The following RPTOR variants were observed in gnomAD, a reference collection of about 807,000 sequenced individuals.
RPTOR encodes the protein regulatory-associated protein of mTOR.
In RPTOR, 21 loss-of-function variants were observed where a neutral mutation model predicts 169.9. That is an observed-to-expected ratio of 0.12 (90% CI 0.09 to 0.18). RPTOR has a LOEUF of 0.18. Among genes scored for constraint, RPTOR ranks in the 10% least tolerant of loss-of-function variants. RPTOR has a pLI of 1.00. For synonymous variants in RPTOR, 732 were observed against 753.2 expected (o/e 0.97, Z 0.46); for missense variants, 1,133 against 1,855.9 (o/e 0.61, Z 7.16).
Position 80,860,241 on chromosome 17 carries a change from C to CTGTCCTGG in RPTOR, c.1509+2344_1509+2345insCCTGGTGT, listed in dbSNP as rs2067902839. Among the ~76,000 whole-genome samples, 2 of 152,368 alleles carry CTGTCCTGG rather than the reference C, an allele frequency of 1.3e-5. No homozygotes were observed. Among genetic ancestry groups the CTGTCCTGG allele is most frequent in the African/African-American group, 2.4e-5 (1 of 41,596 alleles). ...ATGTCGCACTGGCCACCAGGACCTG[C>CTGTCCTGG]TGTGCTCGCTGAAGCTGCCCTGTTG... is the stretch of plus-strand genomic sequence containing the variant. On this transcript the variant is annotated intron_variant, in intron 13 of 33. Transcript: ENST00000306801. The surrounding 1 kb of genome is among the most constrained non-coding windows in gnomAD (Gnocchi z 5.8).
rs1368763027 is a variant in RPTOR at position 80,746,975 on chromosome 17, CG to C, written c.655-7032del. ...GGTCAGGCCTGTAACCCCAGAACTT[CG>C]GGAGGCCGAGGCAGGCAGCTCACTT... On this transcript the variant is annotated intron_variant, in intron 5 of 33. Coordinates refer to ENST00000306801, the MANE Select transcript of RPTOR (RefSeq NM_020761.3). This position sits in a 1 kb window ranked among gnomAD's most constrained non-coding sequence, Gnocchi z 4.5. Among the ~76,000 whole-genome samples, 3 of 151,926 alleles carry C rather than the reference CG, an allele frequency of 2.0e-5. No homozygotes were observed. The highest frequency in any genetic ancestry group is 4.4e-5 in the Non-Finnish European group (3 of 67,988).
rs200161901 is a variant in RPTOR at position 80,925,451 on chromosome 17, G to A, written c.2890G>A (p.Ala964Thr). Residue 964 changes from alanine (A) to threonine (T), a missense_variant, in exon 24 of 34, where the codon GCC becomes ACC. Physicochemically the swap from Ala to Thr is moderately conservative, Grantham distance 58. Coordinates refer to ENST00000306801, the MANE Select transcript of RPTOR (RefSeq NM_020761.3). ...TVQTGFCDWS[A>T]RYFAQPVMKI... ...GCAGACGGGGTTCTGCGACTGGAGC[G>A]CCCGCTATTTTGCCCAGCCCGTCAT... 15 of 1,613,364 alleles carry A rather than the reference G, an allele frequency of 9.3e-6. No individual in the cohort carries two copies. Among genetic ancestry groups the A allele is most frequent in the African/African-American group, 2.7e-5 (2 of 74,914 alleles).
intron 3 of RPTOR, among the ~76,000 whole-genome samples, chr17:80,658,882 T>C (rs964149142): frequency 9.2e-5 from 14 of 152,240 alleles, no homozygotes; most frequent in African/African-American, 3.4e-4. Context: ...AATTTTCACC[T>C]TGTTATCTCT....
Position 80,730,428 on chromosome 17 carries a change from G to T in RPTOR, c.508-132G>T, listed in dbSNP as rs1598262908. 1.0e-6 allele frequency: 1 copy of T among 971,596 alleles called. No homozygotes were observed. Among genetic ancestry groups the T allele is most frequent in the Non-Finnish European group, 1.5e-6 (1 of 650,608 alleles). The allele number at this position is 971,596 out of a possible 1,614,324, so 60.2% of individuals were successfully genotyped here. A position where few individuals can be genotyped will look rare whatever the true frequency, so the allele number is the denominator to read the frequency against. On this transcript the variant is annotated intron_variant, in intron 4 of 33. Coordinates refer to ENST00000306801, the MANE Select transcript of RPTOR (RefSeq NM_020761.3). This position sits in a 1 kb window ranked among gnomAD's most constrained non-coding sequence, Gnocchi z 4.2. ...CCAGTTTGCTGTTTTTTATAGTTTT[G>T]TATAAAGGCTAACTCAGCGTCTCTC...
At chr17:80,958,538 G>C (rs2069288976) in intron 29 of RPTOR, among the ~76,000 whole-genome samples, 1 of 149,618 alleles carries the variant, frequency 6.7e-6, no homozygotes, top group African/African-American at 2.5e-5. Context: ...AGCCTCCCGA[G>C]TAGCTGGGAC....
At chr17:80,740,231 T>C (rs12947053) in intron 5 of RPTOR, among the ~76,000 whole-genome samples, 11,223 of 152,278 alleles carry the variant, frequency 0.074, 526 homozygotes, top group Non-Finnish European at 0.12. Context: ...CAATAGATAA[T>C]CTGAATAGTC....
Position 80,925,396 on chromosome 17 carries a change from T to C in RPTOR, c.2835T>C (p.Ala945=), listed in dbSNP as rs1220210553. The change falls in exon 24 of 34, where the codon GCT becomes GCC. Residue 945 remains alanine (A), a synonymous_variant. Transcript: ENST00000306801. ...EQTADDADDA[A]GHKSFISATV... ...CTGCGGACGACGCGGACGATGCTGC[T>C]GGACACAAAAGTTTCATCTCCGCCA... is the stretch of plus-strand genomic sequence containing the variant. 1 of 1,613,800 alleles carries C rather than the reference T, an allele frequency of 6.2e-7. No homozygotes were observed. The highest frequency in any genetic ancestry group is 8.5e-7 in the Non-Finnish European group (1 of 1,180,042).
intron 1 of RPTOR, among the ~76,000 whole-genome samples, chr17:80,596,517 A>G (rs528308869): frequency 6.6e-6 from 1 of 152,198 alleles, no homozygotes; most frequent in African/African-American, 2.4e-5. Context: ...GGCTAATTAT[A>G]GGATCATATG....
At chr17:80,550,270 A>G (rs1276795692) in intron 1 of RPTOR, among the ~76,000 whole-genome samples, 1 of 152,190 alleles carries the variant, frequency 6.6e-6, no homozygotes. Context: ...TCTCAGCAGC[A>G]TTCCACAATG....
In RPTOR at chr17:80,741,778, C is replaced by T. The variant is rs143654264; in HGVS notation, c.654+11072C>T. 3.0e-3 allele frequency among the ~76,000 whole-genome samples: 451 copies of T among 152,278 alleles called. 2 individuals carry two copies. Among genetic ancestry groups the T allele is most frequent in the Non-Finnish European group, 4.9e-3 (332 of 68,020 alleles). ...AATGGCTGAAGCCACGGGATGGTGACGAGCCCCCATGTGGTTCGTGTGGCT... is the reference window on the plus strand; with the variant it reads ...AATGGCTGAAGCCACGGGATGGTGATGAGCCCCCATGTGGTTCGTGTGGCT... On this transcript the variant is annotated intron_variant, in intron 5 of 33. Transcript: ENST00000306801.
At chr17:80,799,112 C>T (rs972671031) in intron 7 of RPTOR, among the ~76,000 whole-genome samples, 1 of 152,232 alleles carries the variant, frequency 6.6e-6, no homozygotes, top group African/African-American at 2.4e-5. Flanking sequence ...CCTGCTTGGG[C>T]GTCCCTGCCT....
At chr17:80,918,851 A>G (rs926102953) in intron 21 of RPTOR, among the ~76,000 whole-genome samples, 2 of 151,990 alleles carry the variant, frequency 1.3e-5, no homozygotes, top group South Asian at 4.2e-4. Flanking sequence ...TGTGCCGCCC[A>G]GGTGCAGAGA....
intron 6 of RPTOR, among the ~76,000 whole-genome samples, chr17:80,782,587 G>A (rs1567908915): frequency 6.6e-6 from 1 of 152,076 alleles, no homozygotes; most frequent in South Asian, 2.1e-4. Context: ...CTTGGTTTCC[G>A]GGGATCTCAG....
chr17:80,920,065 T>C (rs1046230385), intron 21 of RPTOR, among the ~76,000 whole-genome samples: 8 of 152,216 alleles, frequency 5.3e-5, no homozygotes, highest in African/African-American at 1.9e-4. Flanking sequence ...CCCTTCCTGG[T>C]GCTGCGCTCT....
At chr17:80,691,959 T>G (rs183444802) in intron 3 of RPTOR, among the ~76,000 whole-genome samples, 82 of 152,336 alleles carry the variant, frequency 5.4e-4, no homozygotes, top group Non-Finnish European at 9.8e-4. Context: ...TTACCCATTC[T>G]CTTATCCTGC....
At chr17:80,948,186 C>T (rs111391845) in intron 27 of RPTOR, among the ~76,000 whole-genome samples, 25 of 152,344 alleles carry the variant, frequency 1.6e-4, no homozygotes, top group African/African-American at 6.0e-4. Context: ...TCCCTGTCGG[C>T]CGCAGCCCCT....
chr17:80,779,441 C>T (rs1274841523), intron 6 of RPTOR, among the ~76,000 whole-genome samples: 3 of 152,342 alleles, frequency 2.0e-5, no homozygotes, highest in Middle Eastern at 3.4e-3. Context: ...CTCCTTGGCG[C>T]AAGCAGCGTG....
chr17:80,785,553 C>T (rs1598302636), intron 6 of RPTOR, among the ~76,000 whole-genome samples: 1 of 152,124 alleles, frequency 6.6e-6, no homozygotes, highest in Admixed American at 6.5e-5. Context: ...AATGAGTCCT[C>T]GAATCACAGC....
chr17:80,588,924 G>A (rs2065083426), intron 1 of RPTOR, among the ~76,000 whole-genome samples: 1 of 152,154 alleles, frequency 6.6e-6, no homozygotes, highest in Non-Finnish European at 1.5e-5. Flanking sequence ...CTAGTTTAAT[G>A]TGTAAGTGCT....
Sources: allele counts gnomAD v4.1 joint callset (sites outside exome capture counted in the v4.1 genomes callset), GRCh38; gene constraint gnomAD v4.1.1; non-coding constraint Gnocchi (gnomAD v3.1); transcripts MANE v1.5; gene names NCBI Gene and HGNC (gene_info 2026-07-23, HGNC 2026-07-21).